The following FBXW11 variants were observed in gnomAD, a reference collection of about 807,000 sequenced individuals.
FBXW11 encodes F-box/WD repeat-containing protein 11.
In FBXW11, 19 loss-of-function variants were observed where a neutral mutation model predicts 77.6. The ratio of observed to expected loss-of-function variants is 0.24; its 90% CI spans 0.17 to 0.36. The LOEUF (loss-of-function observed/expected upper bound fraction) is 0.36, where lower values mean the gene tolerates loss of function less well. Among genes scored for constraint, FBXW11 ranks in the 10% least tolerant of loss-of-function variants. The pLI is 1.00. For synonymous variants in FBXW11, 235 were observed against 249.4 expected (o/e 0.94, Z 0.54); for missense variants, 334 against 704.2 (o/e 0.47, Z 5.95).
chr5:171,913,875 A>ACACACAAC, intron 3 of FBXW11, among the ~76,000 whole-genome samples: 1 of 150,340 alleles, frequency 6.7e-6, no homozygotes, highest in East Asian at 2.0e-4. Context: ...ACACACACAC[A>ACACACAAC]ACCTGGGAAA....
In FBXW11 at chr5:171,869,900, C is replaced by T. The variant is rs766610682; in HGVS notation, c.1452-93G>A. The stretch of plus-strand genomic sequence containing the variant: ...GAAAAAAAGTAGTGCATCTGAACTG[C>T]CTATTTATAAAAGCTAATGGGGAAC... On this transcript the variant is annotated intron_variant, in intron 11 of 13. Transcript: ENST00000517395. This position sits in a 1 kb window ranked among gnomAD's most constrained non-coding sequence, Gnocchi z 4.1. 6.8e-5 allele frequency: 46 copies of T among 674,474 alleles called. 2 individuals are homozygous for T. The highest frequency in any genetic ancestry group is 1.1e-4 in the South Asian group (5 of 47,598). The allele number at this position is 674,474 out of a possible 1,614,324, so 41.8% of individuals were successfully genotyped here.
chr5:171,965,561 C>T (rs913176227), intron 1 of FBXW11, among the ~76,000 whole-genome samples: 1 of 151,430 alleles, frequency 6.6e-6, no homozygotes, highest in Non-Finnish European at 1.5e-5. Context: ...GATATCAGTA[C>T]CCAAAAGCAT....
intron 2 of FBXW11, among the ~76,000 whole-genome samples, chr5:171,914,711 G>C (rs1390064967): frequency 6.6e-6 from 1 of 152,158 alleles, no homozygotes; most frequent in Admixed American, 6.5e-5. Context: ...CACTGTTTTT[G>C]TACTTGTGAC....
chr5:171,925,333 A>C (rs946405573), intron 2 of FBXW11, among the ~76,000 whole-genome samples: 44 of 152,230 alleles, frequency 2.9e-4, no homozygotes, highest in African/African-American at 1.1e-3. Context: ...TCATCAAAAG[A>C]TATTTTCACA....
chr5:171,962,108 CTTT>C (rs577775410), intron 1 of FBXW11, among the ~76,000 whole-genome samples: 14 of 151,212 alleles, frequency 9.3e-5, no homozygotes, highest in Admixed American at 9.3e-4. Flanking sequence ...GACGATTGTC[CTTT>C]TTTTTTAAGT....
intron 1 of FBXW11, among the ~76,000 whole-genome samples, chr5:171,972,756 G>A (rs1313568305): frequency 1.3e-5 from 2 of 151,990 alleles, no homozygotes; most frequent in African/African-American, 4.8e-5. Flanking sequence ...TGTTGGCCAG[G>A]CTGGTCTTGA....
At chr5:171,916,366 T>C in intron 2 of FBXW11, 2 of 889,086 alleles carry the variant, frequency 2.2e-6, no homozygotes, top group Non-Finnish European at 2.7e-6. Flanking sequence ...AAAACCTGAC[T>C]TTCTCAGTAA....
At chr5:171,895,408 C>T (rs1486699690) in intron 6 of FBXW11, among the ~76,000 whole-genome samples, 1 of 152,086 alleles carries the variant, frequency 6.6e-6, no homozygotes, top group Admixed American at 6.5e-5. Flanking sequence ...CTGGTCAGGA[C>T]AATGTTAATA....
chr5:171,973,117 T>C (rs556731448), intron 1 of FBXW11, among the ~76,000 whole-genome samples: 37 of 152,356 alleles, frequency 2.4e-4, no homozygotes, highest in African/African-American at 8.9e-4. Flanking sequence ...GGGTTTTATT[T>C]CATTCTGTTT....
chr5:171,946,589 C>T (rs962421582), intron 2 of FBXW11, among the ~76,000 whole-genome samples: 1 of 152,062 alleles, frequency 6.6e-6, no homozygotes, highest in Non-Finnish European at 1.5e-5. Context: ...ACATTCCTAC[C>T]TCTGGGGCTT....
intron 1 of FBXW11, among the ~76,000 whole-genome samples, chr5:171,990,745 C>A (rs1444327305): frequency 6.6e-6 from 1 of 151,994 alleles, no homozygotes; most frequent in Non-Finnish European, 1.5e-5. Flanking sequence ...ATAATGTGTA[C>A]AGGATACACG....
intron 2 of FBXW11, among the ~76,000 whole-genome samples, chr5:171,925,213 T>C (rs1035467058): frequency 6.6e-6 from 1 of 152,186 alleles, no homozygotes; most frequent in Non-Finnish European, 1.5e-5. Context: ...TAAACATAAA[T>C]TTCATTTCTT....
chr5:171,975,226 C>A (rs1309988727), intron 1 of FBXW11, among the ~76,000 whole-genome samples: 2 of 152,138 alleles, frequency 1.3e-5, no homozygotes, highest in Non-Finnish European at 2.9e-5. Context: ...TAAAAATCAA[C>A]CTAAAACTCC....
intron 2 of FBXW11, among the ~76,000 whole-genome samples, chr5:171,914,875 T>C (rs1157751857): frequency 6.6e-6 from 1 of 152,230 alleles, no homozygotes; most frequent in East Asian, 1.9e-4. Context: ...CTGATAGCCT[T>C]GTTTTTCTGG....
At chr5:171,889,298 TAGGCAG>T (rs1327659488) in intron 7 of FBXW11, among the ~76,000 whole-genome samples, 1 of 151,394 alleles carries the variant, frequency 6.6e-6, no homozygotes, top group African/African-American at 2.4e-5. Context: ...GAGGCCAAGG[TAGGCAG>T]ATCACCTGAG....
Position 171,910,642 on chromosome 5 carries a change from A to G in FBXW11, c.366T>C (p.His122=), listed in dbSNP as rs1210368985. Residue 122 remains histidine (H), a synonymous_variant, in exon 4 of 14, where the codon CAT becomes CAC. Coordinates refer to ENST00000517395, the MANE Select transcript of FBXW11 (RefSeq NM_001378974.1). ...AAGAGTTAATATGTCCATGCTGATA[A>G]TGACACATTCGTGAAATAAGATGTT... The part of the protein sequence containing the change: ...FVEHLISRMC[H]YQHGHINSYL... 1.9e-6 allele frequency: 3 copies of G among 1,614,058 alleles called. No homozygotes were observed. Among genetic ancestry groups the G allele is most frequent in the East Asian group, 4.5e-5 (2 of 44,876 alleles).
intron 2 of FBXW11, among the ~76,000 whole-genome samples, chr5:171,935,744 T>C (rs1292166707): frequency 2.0e-5 from 3 of 152,048 alleles, no homozygotes; most frequent in Non-Finnish European, 4.4e-5. Flanking sequence ...TTTCCTTGAG[T>C]AATCCTGAGA....
intron 2 of FBXW11, among the ~76,000 whole-genome samples, chr5:171,926,375 C>G (rs1267686013): frequency 1.3e-5 from 2 of 152,334 alleles, no homozygotes; most frequent in East Asian, 3.9e-4. Flanking sequence ...AAGCAGGGCT[C>G]TGACACAGTT....
chr5:171,936,302 G>C (rs1389010717), intron 2 of FBXW11, among the ~76,000 whole-genome samples: 2 of 151,558 alleles, frequency 1.3e-5, no homozygotes, highest in Non-Finnish European at 1.5e-5. Flanking sequence ...AGACCAGCTA[G>C]GCAACACAGC....
Sources: gnomAD v4.1 joint callset for allele counts (sites outside exome capture counted in the v4.1 genomes callset) on GRCh38, gnomAD v4.1.1 for gene constraint, Gnocchi (gnomAD v3.1) non-coding constraint, MANE v1.5 for transcripts, NCBI Gene and HGNC (gene_info 2026-07-23, HGNC 2026-07-21) for gene names.